TOP1MT: variants seen among roughly 807,000 people sequenced by gnomAD.
TOP1MT encodes DNA topoisomerase I, mitochondrial.
A neutral mutation model predicts 73.9 loss-of-function variants in TOP1MT; 80 were observed. The ratio of observed to expected loss-of-function variants is 1.08; its 90% CI spans 0.90 to 1.30. TOP1MT has a LOEUF of 1.30. Ranked by LOEUF, TOP1MT falls within the 50% of genes most tolerant of loss-of-function variation. The pLI is 0.00. For missense variants in TOP1MT, 815 were observed against 808.0 expected, an observed-to-expected ratio of 1.01 and a Z score of -0.10; for synonymous variants, 338 against 326.4, an observed-to-expected ratio of 1.04 and a Z score of -0.38.
At chr8:143,353,277 G>A (rs548578992) in intron 1 of TOP1MT, among the ~76,000 whole-genome samples, 30 of 152,198 alleles carry the variant, frequency 2.0e-4, no homozygotes, top group African/African-American at 6.7e-4. Flanking sequence ...TTAGCTGGGC[G>A]TGGTGACGCA....
At chr8:143,347,479 C>T (rs1218327649), upstream of TOP1MT, among the ~76,000 whole-genome samples, 1 of 152,090 alleles carries the variant, frequency 6.6e-6, no homozygotes. Context: ...TTAGTAGAGA[C>T]GGGGTTTCAC....
chr8:143,326,976 G>A (rs1816725076), intron 3 of TOP1MT, among the ~76,000 whole-genome samples: 1 of 152,176 alleles, frequency 6.6e-6, no homozygotes, highest in African/African-American at 2.4e-5. Context: ...TCACACAGTG[G>A]AGGGGACAGA....
chr8:143,358,888 G>A (rs994361730), upstream of TOP1MT, among the ~76,000 whole-genome samples: 6 of 152,190 alleles, frequency 3.9e-5, no homozygotes, highest in Non-Finnish European at 5.9e-5. Flanking sequence ...CCATTACTAC[G>A]CAACCAGGCT....
At chr8:143,321,810 T>C (rs1011334267) in intron 7 of TOP1MT, among the ~76,000 whole-genome samples, 106 of 6,514 alleles carry the variant, frequency 0.016, no homozygotes, top group Admixed American at 0.035. Flanking sequence ...ACACGCACGC[T>C]ACACACACAC....
In TOP1MT at chr8:143,321,343, GCCGCCTCACCGT is replaced by G. The variant is rs752822599; in HGVS notation, c.992_1003del (p.Asp331_Ala334del). 14 of 1,599,856 alleles carry G rather than the reference GCCGCCTCACCGT, an allele frequency of 8.8e-6. No individual in the cohort carries two copies. The Admixed American group carries it at 1.9e-4, about 21-fold the overall frequency. ...GAGGGAACAGCAGCCCACGGTGTCG[GCCGCCTCACCGT>G]CCTCCTTCTCATTTCCTGCTCTCAG... On this transcript the variant is annotated inframe_deletion, in exon 8 of 14. Transcript: ENST00000329245.
rs1229557960 is a variant in TOP1MT, at chr8:143,321,516, C to CCA, written c.961-132_961-131dup. On this transcript the variant is annotated intron_variant, in intron 7 of 13. Transcript: ENST00000329245. The stretch of plus-strand genomic sequence containing the variant: ...CACACGCACGCCACACACACGCACT[C>CCA]CACACACGCACGCCACACACACGCA... 176 of 694,976 alleles carry CCA rather than the reference C, an allele frequency of 2.5e-4. 2 individuals are homozygous for CCA. Among genetic ancestry groups the CCA allele is most frequent in the Non-Finnish European group, 2.9e-4 (131 of 453,762 alleles). The allele number at this position is 694,976 out of a possible 1,614,324, so 43.1% of individuals were successfully genotyped here. A position where few individuals can be genotyped will look rare whatever the true frequency, so the allele number is the denominator to read the frequency against.
intron 7 of TOP1MT, among the ~76,000 whole-genome samples, chr8:143,321,786 C>G (rs1290667204): frequency 1.1e-5 from 1 of 93,498 alleles, no homozygotes; most frequent in Non-Finnish European, 2.2e-5. Context: ...ACGCACGCCA[C>G]ACACGCACGC....
In TOP1MT at chr8:143,334,876, G is replaced by T; in HGVS notation, c.-15C>A. 6.9e-7 allele frequency: 1 copy of T among 1,439,004 alleles called. No individual in the cohort carries two copies. Among genetic ancestry groups the T allele is most frequent in the Non-Finnish European group, 8.9e-7 (1 of 1,118,272 alleles). 89.1% of individuals were successfully genotyped at this position (1,439,004 alleles called of 1,614,324 possible). ...ACCACGCGCATCTGCCAGCCTCCGG[G>T]AAAGAGCGACAAGCTGGGCCCCGCC... On this transcript the variant is annotated 5_prime_UTR_variant, in exon 1 of 14. Transcript: ENST00000329245.
intron 10 of TOP1MT, among the ~76,000 whole-genome samples, chr8:143,316,851 C>T (rs1563754363): frequency 6.6e-6 from 1 of 152,228 alleles, no homozygotes; most frequent in Non-Finnish European, 1.5e-5. Flanking sequence ...CATTTCCTCT[C>T]CCAGGCCCGG....
rs191835762 is a variant in TOP1MT at position 143,353,774 on chromosome 8, G to A, written c.-39+2191C>T. 3.3e-3 allele frequency among the ~76,000 whole-genome samples: 498 copies of A among 151,738 alleles called. 4 individuals carry two copies. Among genetic ancestry groups the A allele is most frequent in the African/African-American group, 0.011 (451 of 41,310 alleles). On this transcript the variant is annotated intron_variant, in intron 1 of 5. Coordinates refer to the TOP1MT transcript ENST00000518760. ...AGGTCAGGAGTTTGAGACCAGCCTGGCCAACATGGTGAAACCCCGTCTCTA... is the reference window on the plus strand; with the variant it reads ...AGGTCAGGAGTTTGAGACCAGCCTGACCAACATGGTGAAACCCCGTCTCTA...
At chr8:143,353,206 C>T (rs566034461) in intron 1 of TOP1MT, among the ~76,000 whole-genome samples, 15 of 152,176 alleles carry the variant, frequency 9.9e-5, no homozygotes, top group African/African-American at 2.9e-4. Flanking sequence ...CTTGAGCCCA[C>T]AAGTTTGAGA....
intron 3 of TOP1MT, 101 bp from the exon 4 acceptor site, chr8:143,326,445 C>G: frequency 6.6e-7 from 1 of 1,523,578 alleles, no homozygotes; most frequent in African/African-American, 1.4e-5. Flanking sequence ...TCGCCATGTC[C>G]GACGGAGGCG....
intron 5 of TOP1MT, among the ~76,000 whole-genome samples, chr8:143,324,841 C>T (rs913573590): frequency 2.6e-5 from 4 of 152,154 alleles, no homozygotes; most frequent in Non-Finnish European, 5.9e-5. Context: ...CCACAGTGCA[C>T]CAGGAGGCTG....
chr8:143,356,979 A>G (rs1034645261), upstream of TOP1MT, among the ~76,000 whole-genome samples: 5 of 151,020 alleles, frequency 3.3e-5, no homozygotes, highest in Admixed American at 3.3e-4. Flanking sequence ...CTTTAGTCCT[A>G]GCTACTCGGG....
Position 143,341,697 on chromosome 8 carries a change from G to A in TOP1MT, c.29+1523C>T, listed in dbSNP as rs369002869. 1.3e-5 allele frequency among the ~76,000 whole-genome samples: 2 copies of A among 152,152 alleles called. No individual in the cohort carries two copies. Among genetic ancestry groups the A allele is most frequent in the Non-Finnish European group, 2.9e-5 (2 of 68,020 alleles). ...TCAGCTTGGGGCTGCTCCCAACTCC[G>A]GAGCAGGTGCAGGCCGCAACAGGCC... On this transcript the variant is annotated intron_variant, in intron 2 of 5. Transcript: ENST00000518007. This position sits in a 1 kb window ranked among gnomAD's most constrained non-coding sequence, Gnocchi z 4.1.
chr8:143,320,593 G>A (rs549893697), intron 8 of TOP1MT, among the ~76,000 whole-genome samples: 1 of 152,360 alleles, frequency 6.6e-6, no homozygotes, highest in Admixed American at 6.5e-5. Context: ...TAAAAACAGG[G>A]TCTTTAGAGA....
intron 1 of TOP1MT, among the ~76,000 whole-genome samples, chr8:143,355,165 C>A (rs1430729389): frequency 6.6e-6 from 1 of 152,172 alleles, no homozygotes; most frequent in Non-Finnish European, 1.5e-5. Flanking sequence ...CAGCTCCTCA[C>A]CAGAGGGCAG....
upstream of TOP1MT, chr8:143,335,025 CACTG>C: frequency 3.0e-6 from 2 of 663,898 alleles, no homozygotes; most frequent in Non-Finnish European, 3.9e-6. Flanking sequence ...GCAGCAGGAC[CACTG>C]ACTGTCCTGC....
upstream of TOP1MT, among the ~76,000 whole-genome samples, chr8:143,348,316 A>G (rs1286756561): frequency 6.6e-6 from 1 of 152,142 alleles, no homozygotes; most frequent in Non-Finnish European, 1.5e-5. This position sits in a 1 kb window ranked among gnomAD's most constrained non-coding sequence, Gnocchi z 4.6. Flanking sequence ...CCATGAGACC[A>G]CCTGGGGCAA....
Sources: gnomAD v4.1 joint callset for allele counts (sites outside exome capture counted in the v4.1 genomes callset) on GRCh38, gnomAD v4.1.1 for gene constraint, Gnocchi (gnomAD v3.1) non-coding constraint, MANE v1.5 for transcripts, NCBI Gene and HGNC (gene_info 2026-07-23, HGNC 2026-07-21) for gene names.